EHMT1: variants seen among roughly 807,000 people sequenced by gnomAD.
EHMT1 encodes histone-lysine N-methyltransferase EHMT1.
A neutral mutation model predicts 147.2 loss-of-function variants in EHMT1; 15 were observed. The observed-to-expected ratio is 0.10, with a 90% CI of 0.07 to 0.16. The LOEUF (loss-of-function observed/expected upper bound fraction) is 0.16. EHMT1 is among the 10% of genes least tolerant of loss of function. The pLI is 1.00. For missense variants in EHMT1, 1,587 were observed against 1,772.4 expected (o/e 0.90, Z 1.88); for synonymous variants, 795 against 709.6 (o/e 1.12, Z -1.91).
intron 18 of EHMT1, among the ~76,000 whole-genome samples, chr9:137,810,284 C>T (rs1349732904): frequency 6.6e-6 from 1 of 152,256 alleles, no homozygotes; most frequent in African/African-American, 2.4e-5. Context: ...CCGATGCCGC[C>T]CTGCGTGAAA....
intron 14 of EHMT1, among the ~76,000 whole-genome samples, chr9:137,780,122 T>A (rs944470919): frequency 7.1e-6 from 1 of 141,434 alleles, no homozygotes; most frequent in Admixed American, 6.9e-5. Flanking sequence ...GGATGTGTGG[T>A]GATGACGCTG....
chr9:137,800,597 C>G lies in EHMT1; in HGVS notation c.2608-283C>G, dbSNP rs567370321. 3 of 499,342 alleles carry G rather than the reference C, an allele frequency of 6.0e-6. No individual in the cohort carries two copies. In the Admixed American group the frequency reaches 9.9e-5, roughly 16 times the overall value. The allele number at this position is 499,342 out of a possible 1,614,324, so 30.9% of individuals were successfully genotyped here. On this transcript the variant is annotated intron_variant, in intron 17 of 26. Transcript: ENST00000460843. ...GTTGGTGCGTCCCCAGTGAGTGGTGCCCAACTGGGAGCGGGCAAGGCCGAC... is the reference window on the plus strand; with the variant it reads ...GTTGGTGCGTCCCCAGTGAGTGGTGGCCAACTGGGAGCGGGCAAGGCCGAC...
rs536556168 is a variant in EHMT1, at chr9:137,696,999, G to A, written c.22-13968G>A. ...GCTGGCCCTGTGAAAACAGTGCAGAGACTGGGTGTGGGGACTCACACCTGT... is the reference window on the plus strand; with the variant it reads ...GCTGGCCCTGTGAAAACAGTGCAGAAACTGGGTGTGGGGACTCACACCTGT... On this transcript the variant is annotated intron_variant, in intron 1 of 26. Coordinates refer to ENST00000460843, the MANE Select transcript of EHMT1 (RefSeq NM_024757.5). Among the ~76,000 whole-genome samples the A allele has an allele frequency of 3.3e-5, 5 of 152,358 alleles. No individual in the cohort carries two copies. The South Asian group carries it at 1.0e-3, about 32-fold the overall frequency.
chr9:137,826,776 G>A (rs1048835103), intron 25 of EHMT1, among the ~76,000 whole-genome samples: 8 of 152,178 alleles, frequency 5.3e-5, no homozygotes, highest in Non-Finnish European at 1.0e-4. Context: ...CTGCTGATGC[G>A]GCTGTGGCCT....
chr9:137,695,928 C>G (rs1330264222), intron 1 of EHMT1, among the ~76,000 whole-genome samples: 1 of 152,136 alleles, frequency 6.6e-6, no homozygotes, highest in Non-Finnish European at 1.5e-5. Flanking sequence ...ATGCCATAGC[C>G]GAAAGAACTG....
intron 15 of EHMT1, chr9:137,784,238 A>C: frequency 1.3e-6 from 2 of 1,537,066 alleles, no homozygotes; most frequent in South Asian, 2.4e-5. Flanking sequence ...GCTGTGGACC[A>C]GGCCGCCCAC....
Position 137,728,395 on chromosome 9 carries a change from A to G in EHMT1, c.689A>G (p.His230Arg), listed in dbSNP as rs1946813486. ...DPREVREARDHKEPKEEINKN... is the reference protein window; with the variant it reads ...DPREVREARDRKEPKEEINKN... ...AGAGAAGTTCGAGAAGCTAGAGATC[A>G]TAAGGAACCAAAAGAGGAGATCAAC... is the stretch of plus-strand genomic sequence containing the variant. The change falls in exon 4 of 27, where the codon CAT becomes CGT. Residue 230 changes from histidine (H) to arginine (R), a missense_variant. Coordinates refer to ENST00000460843, the MANE Select transcript of EHMT1 (RefSeq NM_024757.5). 6 of 1,614,252 alleles carry G rather than the reference A, an allele frequency of 3.7e-6. No homozygotes were observed. Among genetic ancestry groups the G allele is most frequent in the Admixed American group, 1.7e-5 (1 of 60,032 alleles).
At chr9:137,825,121 C>CG (rs955408089) in intron 25 of EHMT1, among the ~76,000 whole-genome samples, 2 of 152,286 alleles carry the variant, frequency 1.3e-5, no homozygotes, top group African/African-American at 4.8e-5. Context: ...GGCTGGCAAC[C>CG]GGGGGTGCTC....
At chr9:137,746,544 G>A (rs917334396) in intron 6 of EHMT1, 1 of 152,196 alleles carries the variant, frequency 6.6e-6, no homozygotes, top group Non-Finnish European at 1.5e-5. Context: ...ATGAATTGAT[G>A]TATGCTATCT....
chr9:137,732,686 C>T lies in EHMT1; in HGVS notation c.823+4157C>T, dbSNP rs1251461874. Among the ~76,000 whole-genome samples, 1 of 152,198 alleles carries T rather than the reference C, an allele frequency of 6.6e-6. No homozygotes were observed. The highest frequency in any genetic ancestry group is 2.4e-5 in the African/African-American group (1 of 41,452). ...TGCCGGGAACTGGCAGCCCGGTTTTCAGGCTTCAGGCGGCCTTTGGCTTGA... is the reference window on the plus strand; with the variant it reads ...TGCCGGGAACTGGCAGCCCGGTTTTTAGGCTTCAGGCGGCCTTTGGCTTGA... On this transcript the variant is annotated intron_variant, in intron 4 of 26. Coordinates refer to ENST00000460843, the MANE Select transcript of EHMT1 (RefSeq NM_024757.5). This position sits in a 1 kb window ranked among gnomAD's most constrained non-coding sequence, Gnocchi z 4.6.
At position 137,754,285 on chromosome 9, in the gene EHMT1, G is replaced by A; in HGVS notation, c.1363G>A (p.Ala455Thr). Residue 455 changes from alanine to threonine, a missense_variant, in exon 8 of 27, where the codon GCC (alanine) becomes ACC (threonine). Ala to Thr is a moderately conservative substitution (Grantham distance 58). Transcript: ENST00000460843. ...RRRSRKKPSG[A>T]LGSESYKSSA... ...GAGAAGTAGAAAGAAGCCCAGCGGT[G>A]CCCTCGGTAAATGCCGTGGGGGTGT... 1 of 1,614,016 alleles carries A rather than the reference G, an allele frequency of 6.2e-7. No homozygotes were observed. The highest frequency in any genetic ancestry group is 8.5e-7 in the Non-Finnish European group (1 of 1,179,942).
chr9:137,781,275 G>A (rs368079719), intron 14 of EHMT1, among the ~76,000 whole-genome samples: 16 of 115,142 alleles, frequency 1.4e-4, no homozygotes, highest in Non-Finnish European at 2.3e-4. Flanking sequence ...GGGACGTGTG[G>A]TGATGACGCT....
intron 25 of EHMT1, among the ~76,000 whole-genome samples, chr9:137,827,012 G>T (rs757844476): frequency 1.3e-5 from 2 of 152,166 alleles, no homozygotes; most frequent in Non-Finnish European, 2.9e-5. Flanking sequence ...CATGTTGGCC[G>T]GGGGGTCCCC....
At chr9:137,797,645 G>A (rs77912264) in intron 16 of EHMT1, among the ~76,000 whole-genome samples, 271 of 152,292 alleles carry the variant, frequency 1.8e-3, no homozygotes, top group Non-Finnish European at 2.8e-3. Flanking sequence ...AACACTAGCC[G>A]TGTGGGAACC....
chr9:137,717,332 G>T (rs891931030), intron 3 of EHMT1, 150 bp downstream of exon 3: 3 of 1,030,386 alleles, frequency 2.9e-6, no homozygotes, highest in Non-Finnish European at 4.3e-6. Flanking sequence ...GCCGGGAGCA[G>T]TGGCTTACAG....
At chr9:137,739,368 AAAAG>A (rs1486010064) in intron 4 of EHMT1, among the ~76,000 whole-genome samples, 9 of 152,262 alleles carry the variant, frequency 5.9e-5, no homozygotes, top group East Asian at 1.9e-4. Context: ...AAAAAAAAAA[AAAAG>A]AAAGAAAAAG....
chr9:137,718,186 G>A (rs1458562424), intron 3 of EHMT1, among the ~76,000 whole-genome samples: 3 of 150,396 alleles, frequency 2.0e-5, no homozygotes, highest in East Asian at 1.9e-4. Context: ...GGGCGCGCCC[G>A]CCCCTCACGC....
intron 16 of EHMT1, among the ~76,000 whole-genome samples, chr9:137,792,562 G>A (rs970800286): frequency 3.3e-5 from 5 of 152,164 alleles, no homozygotes; most frequent in Admixed American, 1.3e-4. Context: ...AAAATTAGCC[G>A]GGCGTGGTGA....
chr9:137,806,091 CT>C (rs1953925150), intron 18 of EHMT1, among the ~76,000 whole-genome samples: 1 of 151,888 alleles, frequency 6.6e-6, no homozygotes. Flanking sequence ...TCCCAAGTAG[CT>C]GGGATTACAG....
Sources: gnomAD v4.1 joint callset for allele counts (sites outside exome capture counted in the v4.1 genomes callset) on GRCh38, gnomAD v4.1.1 for gene constraint, Gnocchi (gnomAD v3.1) non-coding constraint, MANE v1.5 for transcripts, NCBI Gene and HGNC (gene_info 2026-07-23, HGNC 2026-07-21) for gene names.